Variants in DAB1 observed in about 807,000 individuals in gnomAD.
DAB1 encodes the protein DAB adaptor protein 1, also known as disabled homolog 1.
DAB1 carries 15 observed loss-of-function variants against 64.6 expected under a neutral mutation model. The observed-to-expected ratio is 0.23, with a 90% confidence interval of 0.16 to 0.36. The LOEUF (loss-of-function observed/expected upper bound fraction) is 0.36, where lower values mean the gene tolerates loss of function less well. Among genes scored for constraint, DAB1 ranks in the 10% least tolerant of loss-of-function variants. The pLI is 1.00. For missense variants in DAB1, 596 were observed against 706.7 expected (o/e 0.84, Z 1.78); for synonymous variants, 235 against 251.9 (o/e 0.93, Z 0.64).
At chr1:58,308,433 G>C (rs557207080) in intron 4 of DAB1, among the ~76,000 whole-genome samples, 40 of 152,118 alleles carry the variant, frequency 2.6e-4, no homozygotes, top group African/African-American at 8.7e-4. Context: ...CTGCCTCAAT[G>C]GATCAGAGGC....
At chr1:57,369,624 G>C (rs115837321) in intron 1 of DAB1, among the ~76,000 whole-genome samples, 30 of 152,198 alleles carry the variant, frequency 2.0e-4, no homozygotes, top group Non-Finnish European at 3.5e-4. Context: ...TCAGCTCATT[G>C]AATCTTCAAC....
chr1:57,378,762 C>T (rs112898906), intron 1 of DAB1, among the ~76,000 whole-genome samples: 1 of 152,086 alleles, frequency 6.6e-6, no homozygotes, highest in Non-Finnish European at 1.5e-5. Context: ...CTAGAATGTA[C>T]AAAATTTGGC....
chr1:57,552,192 C>T (rs1439701315), intron 7 of DAB1, among the ~76,000 whole-genome samples: 1 of 152,194 alleles, frequency 6.6e-6, no homozygotes, highest in African/African-American at 2.4e-5. Flanking sequence ...TTAGCTTCTT[C>T]AGACCCTACT....
chr1:57,100,845 T>A (rs1474714419), intron 4 of DAB1, among the ~76,000 whole-genome samples: 1 of 151,866 alleles, frequency 6.6e-6, no homozygotes, highest in East Asian at 1.9e-4. Flanking sequence ...GGAAATAAGA[T>A]CCATGGTGGA....
intron 7 of DAB1, among the ~76,000 whole-genome samples, chr1:57,499,894 G>A (rs920265003): frequency 1.3e-5 from 2 of 152,116 alleles, no homozygotes; most frequent in East Asian, 1.9e-4. Flanking sequence ...GGAAGGAGGC[G>A]TAACTAATTC....
chr1:57,421,964 C>G (rs917678728), intron 1 of DAB1, among the ~76,000 whole-genome samples: 1 of 145,014 alleles, frequency 6.9e-6, no homozygotes, highest in Non-Finnish European at 1.5e-5. Context: ...CCCCATCTAT[C>G]TTAGTGCCTG....
intron 7 of DAB1, among the ~76,000 whole-genome samples, chr1:57,457,767 T>G (rs11207039): frequency 0.35 from 53,148 of 151,856 alleles, 9,682 homozygotes; most frequent in East Asian, 0.56. Context: ...ATACAAGCAG[T>G]TTAAACTCCC....
chr1:57,394,023 G>T (rs890525089), intron 1 of DAB1, among the ~76,000 whole-genome samples: 1 of 152,118 alleles, frequency 6.6e-6, no homozygotes, highest in Non-Finnish European at 1.5e-5. Context: ...TCCTGCTTTG[G>T]TCACTAGACT....
intron 6 of DAB1, among the ~76,000 whole-genome samples, chr1:57,682,300 C>A (rs1646645399): frequency 6.7e-6 from 1 of 150,158 alleles, no homozygotes; most frequent in South Asian, 2.1e-4. Flanking sequence ...GCAAAGAAAA[C>A]AGTACAAGAA....
chr1:58,250,299 G>A (rs1224464641), intron 4 of DAB1, among the ~76,000 whole-genome samples: 1 of 152,218 alleles, frequency 6.6e-6, no homozygotes, highest in Non-Finnish European at 1.5e-5. Flanking sequence ...TCCGGCTGCA[G>A]TAGAGGGCGA....
At chr1:57,133,285 A>G (rs1444214483) in intron 4 of DAB1, among the ~76,000 whole-genome samples, 2 of 152,198 alleles carry the variant, frequency 1.3e-5, no homozygotes, top group Non-Finnish European at 2.9e-5. Context: ...TTTATGATAT[A>G]AAGTTGTAAT....
At chr1:58,476,471 C>CCT (rs901883862) in intron 3 of DAB1, among the ~76,000 whole-genome samples, 2 of 152,094 alleles carry the variant, frequency 1.3e-5, no homozygotes, top group African/African-American at 4.8e-5. Context: ...GCACGCAGAG[C>CCT]CAGTTAATGT....
intron 2 of DAB1, among the ~76,000 whole-genome samples, chr1:58,522,701 C>G (rs1190764116): frequency 6.6e-6 from 1 of 152,072 alleles, no homozygotes; most frequent in Non-Finnish European, 1.5e-5. Flanking sequence ...TTGACCTTGC[C>G]AGTAACACAG....
rs200793257 is a variant in DAB1 at position 58,538,927 on chromosome 1, T to C, written n.32+7776A>G. 2.5e-4 allele frequency: 222 copies of C among 872,938 alleles called. 2 individuals are homozygous for C. The highest frequency in any genetic ancestry group is 2.2e-3 in the Middle Eastern group (10 of 4,612). 54.1% of individuals were successfully genotyped at this position (872,938 alleles called of 1,614,324 possible). A position where few individuals can be genotyped will look rare whatever the true frequency, so the allele number is the denominator to read the frequency against. ...TCTTATGGAAGCAGGGCTTAGAGGATGCAATACTGACAGACTAGGGACTGC... is the reference window on the plus strand; with the variant it reads ...TCTTATGGAAGCAGGGCTTAGAGGACGCAATACTGACAGACTAGGGACTGC... On this transcript the variant is annotated intron_variant and non_coding_transcript_variant, in intron 1 of 20. Transcript: ENST00000485760.
chr1:57,515,872 T>C (rs894390817), intron 7 of DAB1, among the ~76,000 whole-genome samples: 5 of 152,218 alleles, frequency 3.3e-5, no homozygotes, highest in African/African-American at 1.2e-4. Context: ...TTTTCTATAA[T>C]AGATTTCCTA....
chr1:58,452,755 G>C (rs1037235000), intron 3 of DAB1, among the ~76,000 whole-genome samples: 2 of 151,736 alleles, frequency 1.3e-5, no homozygotes, highest in Non-Finnish European at 2.9e-5. Context: ...TTGAACCCGG[G>C]AGGTGGAGGT....
At chr1:57,714,994 C>G (rs1039097427) in intron 6 of DAB1, among the ~76,000 whole-genome samples, 2 of 152,100 alleles carry the variant, frequency 1.3e-5, no homozygotes, top group Non-Finnish European at 2.9e-5. Flanking sequence ...AACTATAGGC[C>G]AATATCCCTG....
At position 58,214,274 on chromosome 1, in the gene DAB1, G is replaced by A. The variant is rs566737644; in HGVS notation, n.310-63686C>T. On this transcript the variant is annotated intron_variant and non_coding_transcript_variant, in intron 4 of 20. Coordinates refer to the DAB1 transcript ENST00000485760. ...TCTTCATGAAGCCTCTGAACTAGAC[G>A]CCTCACTGAAGCCCCATTTGAACAA... is the stretch of plus-strand genomic sequence containing the variant. Among the ~76,000 whole-genome samples, 9 of 152,198 alleles carry A rather than the reference G, an allele frequency of 5.9e-5. No homozygotes were observed. In the East Asian group the frequency reaches 1.2e-3, roughly 20 times the overall value.
rs140155275 is a variant in DAB1, at chr1:58,335,946, T to C, written n.309+7406A>G. Among the ~76,000 whole-genome samples, 411 of 152,118 alleles carry C rather than the reference T, an allele frequency of 2.7e-3. 2 individuals carry two copies. Among genetic ancestry groups the C allele is most frequent in the African/African-American group, 9.5e-3 (396 of 41,486 alleles). On this transcript the variant is annotated intron_variant and non_coding_transcript_variant, in intron 4 of 20. Transcript: ENST00000485760. ...TTCACATCTGAATGAACGTGGAAAA[T>C]AGGCAGATGGAAATGAGTCTGAAAG...
Sources: gnomAD v4.1 joint callset for allele counts (sites outside exome capture counted in the v4.1 genomes callset) on GRCh38, gnomAD v4.1.1 for gene constraint, MANE v1.5 for transcripts, NCBI Gene and HGNC (gene_info 2026-07-23, HGNC 2026-07-21) for gene names.